FANCA: variants seen among roughly 807,000 people sequenced by gnomAD.
FANCA encodes FA complementation group A, also known as Fanconi anemia group A protein.
FANCA carries 236 observed loss-of-function variants against 194.3 expected under a neutral mutation model. The observed-to-expected ratio is 1.21, with a 90% CI of 1.09 to 1.35. FANCA has a LOEUF of 1.35. Among genes scored for constraint, FANCA ranks in the 40% most tolerant of loss-of-function variants. The probability of loss-of-function intolerance (pLI) is 0.00; values close to 1 mark genes in which losing one functional copy is unlikely to be tolerated. For synonymous variants in FANCA, 1,014 were observed against 715.8 expected (o/e 1.42, Z -6.65); for missense variants, 2,628 against 1,813.9 (o/e 1.45, Z -8.15).
intron 3 of FANCA, among the ~76,000 whole-genome samples, chr16:89,812,666 A>AAAAAAAAAAAAC (rs1256354674): frequency 2.0e-5 from 3 of 147,782 alleles, no homozygotes; most frequent in African/African-American, 7.7e-5. Flanking sequence ...AAAAAAAAAA[A>AAAAAAAAAAAAC]AAAACTGTTA....
At chr16:89,797,876 CAAG>C (rs2040301753) in intron 10 of FANCA, among the ~76,000 whole-genome samples, 1 of 151,794 alleles carries the variant, frequency 6.6e-6, no homozygotes, top group Non-Finnish European at 1.5e-5. Flanking sequence ...GCCTGGGCAA[CAAG>C]AATAAAACTC....
At chr16:89,742,711 A>C in intron 37 of FANCA, 89 bp downstream of exon 37, 1 of 1,453,648 alleles carries the variant, frequency 6.9e-7, no homozygotes, top group Non-Finnish European at 9.6e-7. Flanking sequence ...TCTTTAGAAA[A>C]ACAGTTCATC....
rs962690755 is a variant in FANCA, at chr16:89,792,183, A to G, written c.1084-115T>C. 5.6e-6 allele frequency: 7 copies of G among 1,239,096 alleles called. No homozygotes were observed. The African/African-American group carries it at 1.0e-4, about 18-fold the overall frequency. 76.8% of individuals were successfully genotyped at this position (1,239,096 alleles called of 1,614,324 possible). ...GCAGCCCCCTCACTTCCCACTGCAA[A>G]GGTAACACATGGAGCTGTGACAGCT... is the stretch of plus-strand genomic sequence containing the variant. On this transcript the variant is annotated intron_variant, in intron 12 of 42. Coordinates refer to ENST00000389301, the MANE Select transcript of FANCA (RefSeq NM_000135.4).
At chr16:89,751,324 A>T (rs1167180166) in intron 31 of FANCA, among the ~76,000 whole-genome samples, 2 of 151,766 alleles carry the variant, frequency 1.3e-5, no homozygotes, top group Non-Finnish European at 2.9e-5. Flanking sequence ...ACATGGCAAA[A>T]CTCCGTCTCT....
chr16:89,784,155 C>T (rs895574341), intron 15 of FANCA, among the ~76,000 whole-genome samples: 1 of 151,942 alleles, frequency 6.6e-6, no homozygotes. Flanking sequence ...CACTTGAGCT[C>T]AGTTCAAGGC....
rs534532072 is a variant in FANCA, at chr16:89,751,052, T to G, written c.3066+1086A>C. On this transcript the variant is annotated intron_variant, in intron 31 of 42. Coordinates refer to ENST00000389301, the MANE Select transcript of FANCA (RefSeq NM_000135.4). ...GACTATAGGTACACACCACCATGCT[T>G]GACTAGTGTTTTGTATTTTTAGTAG... 3.1e-4 allele frequency among the ~76,000 whole-genome samples: 47 copies of G among 152,202 alleles called. No homozygotes were observed. The Middle Eastern group carries it at 0.01, about 33-fold the overall frequency.
chr16:89,783,957 C>G (rs2039809952), intron 15 of FANCA, among the ~76,000 whole-genome samples: 1 of 152,102 alleles, frequency 6.6e-6, no homozygotes, highest in African/African-American at 2.4e-5. Flanking sequence ...CAGGGGGTTT[C>G]TCCACATTGG....
chr16:89,788,622 C>T (rs1269282295), intron 14 of FANCA, among the ~76,000 whole-genome samples: 1 of 152,032 alleles, frequency 6.6e-6, no homozygotes, highest in Non-Finnish European at 1.5e-5. Context: ...CACGGTATGA[C>T]ATTGTATTTA....
chr16:89,747,555 C>T (rs538412773), intron 33 of FANCA, among the ~76,000 whole-genome samples: 39 of 152,028 alleles, frequency 2.6e-4, no homozygotes, highest in South Asian at 1.0e-3. Flanking sequence ...AAAACTTAGC[C>T]GGTCATGGCG....
intron 14 of FANCA, among the ~76,000 whole-genome samples, chr16:89,785,413 C>T (rs1567631032): frequency 6.6e-6 from 1 of 152,152 alleles, no homozygotes; most frequent in Non-Finnish European, 1.5e-5. Flanking sequence ...CTTCTGAACA[C>T]ACTTTAACTT....
intron 29 of FANCA, among the ~76,000 whole-genome samples, chr16:89,760,345 C>T (rs941471956): frequency 1.3e-5 from 2 of 152,240 alleles, no homozygotes. Flanking sequence ...CTATGTTTTC[C>T]TTTTCCTATT....
chr16:89,811,792 G>A (rs934426970), intron 3 of FANCA, among the ~76,000 whole-genome samples: 4 of 152,004 alleles, frequency 2.6e-5, no homozygotes, highest in African/African-American at 4.8e-5. Flanking sequence ...GTGCAACGGC[G>A]CCATCTCAGC....
At chr16:89,740,222 T>G in intron 38 of FANCA, 123 bp from the exon 39 acceptor site, 1 of 859,582 alleles carries the variant, frequency 1.2e-6, no homozygotes, top group Non-Finnish European at 2.0e-6. Flanking sequence ...TTAAAACTGG[T>G]GACAGTTTTA....
At chr16:89,813,676 G>A (rs1391870701) in intron 3 of FANCA, among the ~76,000 whole-genome samples, 3 of 151,992 alleles carry the variant, frequency 2.0e-5, no homozygotes, top group Admixed American at 1.3e-4. Context: ...CAGGTGATCC[G>A]CACACCTCAG....
intron 22 of FANCA, 73 bp downstream of exon 22, chr16:89,773,198 A>T: frequency 8.3e-7 from 1 of 1,202,688 alleles, no homozygotes; most frequent in Non-Finnish European, 1.2e-6. Context: ...CTATGGGGAA[A>T]ATGGCCCAGC....
chr16:89,781,069 AG>A (rs2039682428), intron 17 of FANCA, among the ~76,000 whole-genome samples: 1 of 152,208 alleles, frequency 6.6e-6, no homozygotes, highest in Non-Finnish European at 1.5e-5. Flanking sequence ...GGTCTTAAAA[AG>A]TAAAGAATGG....
In FANCA at chr16:89,762,283, A is replaced by G. The variant is rs2038978044; in HGVS notation, c.2779-261T>C. 5.3e-5 allele frequency among the ~76,000 whole-genome samples: 8 copies of G among 152,346 alleles called. No individual in the cohort carries two copies. The South Asian group carries it at 1.5e-3, about 28-fold the overall frequency. On this transcript the variant is annotated intron_variant, in intron 28 of 42. Transcript: ENST00000389301. ...AAACGGCTATTTTAGTCTGGGCAAC[A>G]TAGTAAGACCTCATCTCATTTAAAA... is the stretch of plus-strand genomic sequence containing the variant.
At chr16:89,789,019 G>C (rs1567633578) in intron 14 of FANCA, among the ~76,000 whole-genome samples, 1 of 152,050 alleles carries the variant, frequency 6.6e-6, no homozygotes, top group East Asian at 1.9e-4. Flanking sequence ...GGAGACACCT[G>C]AGCCGCGGCT....
chr16:89,793,999 CTCAG>C (rs2040161588), intron 11 of FANCA, among the ~76,000 whole-genome samples: 1 of 152,140 alleles, frequency 6.6e-6, no homozygotes, highest in South Asian at 2.1e-4. Context: ...ACCTGCCCGT[CTCAG>C]CCTCCCAAAA....
Sources: gnomAD v4.1 joint callset for allele counts (sites outside exome capture counted in the v4.1 genomes callset) on GRCh38, gnomAD v4.1.1 for gene constraint, MANE v1.5 for transcripts, NCBI Gene and HGNC (gene_info 2026-07-23, HGNC 2026-07-21) for gene names.